The following ST8SIA1 variants were observed in gnomAD, a reference collection of about 807,000 sequenced individuals.
ST8SIA1 encodes alpha-N-acetylneuraminide alpha-2,8-sialyltransferase.
A neutral mutation model predicts 35.9 loss-of-function variants in ST8SIA1; 16 were observed. The ratio of observed to expected loss-of-function variants is 0.45; its 90% confidence interval spans 0.30 to 0.68. ST8SIA1 has a LOEUF of 0.68. Ranked by LOEUF, ST8SIA1 falls within the 30% of genes least tolerant of loss-of-function variation. The pLI is 0.09. For synonymous variants in ST8SIA1, 170 were observed against 169.6 expected, an observed-to-expected ratio of 1.00 and a Z score of -0.02; for missense variants, 383 against 453.6, an observed-to-expected ratio of 0.84 and a Z score of 1.41.
At chr12:22,272,633 T>G (rs900841371) in intron 2 of ST8SIA1, among the ~76,000 whole-genome samples, 18 of 152,252 alleles carry the variant, frequency 1.2e-4, no homozygotes, top group African/African-American at 4.3e-4. Flanking sequence ...ATACTGGTAT[T>G]ATAATAGCTG....
chr12:22,212,519 G>A (rs1591825011), intron 4 of ST8SIA1, among the ~76,000 whole-genome samples: 1 of 152,228 alleles, frequency 6.6e-6, no homozygotes, highest in South Asian at 2.1e-4. Flanking sequence ...CCACAGGAAA[G>A]TACTTTGCCA....
intron 1 of ST8SIA1, among the ~76,000 whole-genome samples, chr12:22,299,527 A>T (rs900442030): frequency 1.3e-5 from 2 of 152,118 alleles, no homozygotes; most frequent in African/African-American, 4.8e-5. Context: ...AGGCTGTATT[A>T]AAAAATGTAT....
chr12:22,257,315 G>C (rs530236181), intron 2 of ST8SIA1, among the ~76,000 whole-genome samples: 1 of 151,214 alleles, frequency 6.6e-6, no homozygotes, highest in Non-Finnish European at 1.5e-5. Context: ...GGATTCAAGC[G>C]ATTCTCCTGA....
intron 1 of ST8SIA1, among the ~76,000 whole-genome samples, chr12:22,303,099 CAG>C (rs1866337897): frequency 6.6e-6 from 1 of 152,148 alleles, no homozygotes; most frequent in African/African-American, 2.4e-5. Flanking sequence ...AAACCTGTCT[CAG>C]ATATTCAGGG....
chr12:22,290,326 A>T (rs1161950995), intron 1 of ST8SIA1, among the ~76,000 whole-genome samples: 1 of 152,192 alleles, frequency 6.6e-6, no homozygotes, highest in African/African-American at 2.4e-5. Context: ...TTAGCTCACC[A>T]GCTACACTGG....
chr12:22,299,200 A>T (rs934819718), intron 1 of ST8SIA1, among the ~76,000 whole-genome samples: 6 of 152,300 alleles, frequency 3.9e-5, no homozygotes, highest in Admixed American at 3.9e-4. Flanking sequence ...AATATATTGT[A>T]GGAAAACATT....
At chr12:22,301,130 T>G (rs1172923713) in intron 1 of ST8SIA1, among the ~76,000 whole-genome samples, 1 of 152,046 alleles carries the variant, frequency 6.6e-6, no homozygotes, top group African/African-American at 2.4e-5. Context: ...GCCCTAAAAC[T>G]TTTTGTCATC....
intron 4 of ST8SIA1, among the ~76,000 whole-genome samples, chr12:22,214,074 T>C (rs960588616): frequency 1.3e-5 from 2 of 152,168 alleles, no homozygotes; most frequent in East Asian, 1.9e-4. Context: ...TTTGAACATG[T>C]TGAGCCACAG....
chr12:22,202,514 A>G (rs1400591038), intron 4 of ST8SIA1, among the ~76,000 whole-genome samples: 1 of 152,216 alleles, frequency 6.6e-6, no homozygotes, highest in Non-Finnish European at 1.5e-5. Context: ...CAGATTCATC[A>G]ATGCTACAAC....
chr12:22,307,521 G>A (rs1478668880), intron 1 of ST8SIA1, among the ~76,000 whole-genome samples: 1 of 152,050 alleles, frequency 6.6e-6, no homozygotes, highest in Non-Finnish European at 1.5e-5. Flanking sequence ...GATGGGAAAG[G>A]GCAACTCCTT....
At position 22,197,919 on chromosome 12, in the gene ST8SIA1, T is replaced by C. The variant is rs1865007379; in HGVS notation, c.*3633A>G. On this transcript the variant is annotated 3_prime_UTR_variant, in exon 5 of 5. Coordinates refer to ENST00000396037, the MANE Select transcript of ST8SIA1 (RefSeq NM_003034.4). The stretch of plus-strand genomic sequence containing the variant: ...AACTTCTTGTATGAGAATTATGCAG[T>C]TTAGATGTGCAATTTTGTATAAACT... The C allele has an allele frequency of 1.3e-5, 2 of 152,284 alleles. No individual in the cohort carries two copies. The highest frequency in any genetic ancestry group is 2.9e-5 in the Non-Finnish European group (2 of 68,026). 9.4% of individuals were successfully genotyped at this position (152,284 alleles called of 1,614,324 possible).
At chr12:22,244,848 T>C (rs1339268740) in intron 4 of ST8SIA1, among the ~76,000 whole-genome samples, 1 of 152,204 alleles carries the variant, frequency 6.6e-6, no homozygotes, top group East Asian at 1.9e-4. Context: ...AATCTAATTA[T>C]CCCAACATCA....
chr12:22,296,916 C>T (rs969582251), intron 1 of ST8SIA1, among the ~76,000 whole-genome samples: 4 of 152,236 alleles, frequency 2.6e-5, no homozygotes, highest in South Asian at 2.1e-4. Context: ...TAGACATGTG[C>T]GCAAGTAGCA....
At chr12:22,245,420 G>A (rs1466243172) in intron 4 of ST8SIA1, among the ~76,000 whole-genome samples, 1 of 152,030 alleles carries the variant, frequency 6.6e-6, no homozygotes, top group Non-Finnish European at 1.5e-5. Flanking sequence ...AAATGGAATT[G>A]GTGTACACAT....
At chr12:22,216,169 CTTATT>C (rs934686118) in intron 4 of ST8SIA1, among the ~76,000 whole-genome samples, 2 of 152,290 alleles carry the variant, frequency 1.3e-5, no homozygotes, top group African/African-American at 4.8e-5. Flanking sequence ...CCTCCTCCTT[CTTATT>C]TTAACAGATC....
chr12:22,304,992 T>C (rs1866366784), intron 1 of ST8SIA1, among the ~76,000 whole-genome samples: 1 of 152,216 alleles, frequency 6.6e-6, no homozygotes, highest in Non-Finnish European at 1.5e-5. Flanking sequence ...GTTGTTTCCT[T>C]CAATATGCAG....
chr12:22,231,990 T>G (rs1214586908), intron 4 of ST8SIA1, among the ~76,000 whole-genome samples: 2 of 152,190 alleles, frequency 1.3e-5, no homozygotes, highest in East Asian at 3.8e-4. Flanking sequence ...AAAGAATGGT[T>G]GCTAGGGTTA....
At chr12:22,321,237 C>T (rs1866596514) in intron 1 of ST8SIA1, among the ~76,000 whole-genome samples, 1 of 152,150 alleles carries the variant, frequency 6.6e-6, no homozygotes, top group Non-Finnish European at 1.5e-5. Context: ...AGAAAGAGCC[C>T]TTTGGCGTGG....
intron 2 of ST8SIA1, among the ~76,000 whole-genome samples, chr12:22,271,145 C>T (rs1382687520): frequency 1.3e-5 from 2 of 152,088 alleles, no homozygotes; most frequent in African/African-American, 2.4e-5. Context: ...CTTTGATGAA[C>T]CTTTTGGCTC....
Sources: gnomAD v4.1 joint callset for allele counts (sites outside exome capture counted in the v4.1 genomes callset) on GRCh38, gnomAD v4.1.1 for gene constraint, MANE v1.5 for transcripts, NCBI Gene and HGNC (gene_info 2026-07-23, HGNC 2026-07-21) for gene names.